The following STAU1 variants were observed in gnomAD, a reference collection of about 807,000 sequenced individuals.
STAU1 encodes staufen double-stranded RNA binding protein 1.
STAU1 carries 13 observed loss-of-function variants against 62.9 expected under a neutral mutation model. That is an observed-to-expected ratio of 0.21 (90% confidence interval 0.13 to 0.33). STAU1 has a LOEUF of 0.33. Ranked by LOEUF, STAU1 falls within the 10% of genes least tolerant of loss-of-function variation. STAU1 has a pLI of 1.00. For missense variants in STAU1, 571 were observed against 712.1 expected (o/e 0.80, Z 2.25); for synonymous variants, 269 against 265.1 (o/e 1.01, Z -0.14).
At chr20:49,115,297 A>C (rs1042378236) in intron 13 of STAU1, among the ~76,000 whole-genome samples, 13 of 152,068 alleles carry the variant, frequency 8.5e-5, no homozygotes, top group Non-Finnish European at 1.6e-4. Context: ...ACCAACTCAA[A>C]AAGGTTTTTT....
the STAU1 span, among the ~76,000 whole-genome samples, chr20:49,207,148 C>A: frequency 6.6e-6 from 1 of 152,024 alleles, no homozygotes; most frequent in African/African-American, 2.4e-5. Flanking sequence ...ACCACTTGAG[C>A]CCAAGAATTT....
At chr20:49,209,334 A>G in the STAU1 span, among the ~76,000 whole-genome samples, 1 of 151,952 alleles carries the variant, frequency 6.6e-6, no homozygotes, top group Non-Finnish European at 1.5e-5. Context: ...AGACAAACTG[A>G]ACATGCAAAG....
intron 5 of STAU1, among the ~76,000 whole-genome samples, chr20:49,150,687 A>G (rs2093230271): frequency 1.3e-5 from 2 of 151,732 alleles, no homozygotes; most frequent in African/African-American, 4.8e-5. Context: ...TCTAAGTGAC[A>G]TTCTATATCT....
At chr20:49,163,976 A>G (rs1430655261) in intron 3 of STAU1, among the ~76,000 whole-genome samples, 1 of 152,078 alleles carries the variant, frequency 6.6e-6, no homozygotes, top group Non-Finnish European at 1.5e-5. Flanking sequence ...TCACACCTGT[A>G]ATTCCAGCAA....
chr20:49,194,345 C>T, the STAU1 span, among the ~76,000 whole-genome samples: 1 of 149,050 alleles, frequency 6.7e-6, no homozygotes, highest in African/African-American at 2.5e-5. Flanking sequence ...AGGAGAATCA[C>T]TTGAACCTGG....
Position 49,114,893 on chromosome 20 carries a change from C to T in STAU1, c.1719G>A (p.Val573=). The change falls in exon 14 of 14, where the codon GTG becomes GTA. Residue 573 remains valine, a splice_region_variant and synonymous_variant. Coordinates refer to ENST00000371856, the MANE Select transcript of STAU1 (RefSeq NM_017453.4). The part of the protein sequence containing the change: ...MPRTGNGPMS[V]CGRC ...CAGAAAAGGTTCAGCACCTCCCACA[C>T]CTTTAAGGAAGAAAAATGAAAATGA... 1 of 1,613,252 alleles carries T rather than the reference C, an allele frequency of 6.2e-7. No individual in the cohort carries two copies. Among genetic ancestry groups the T allele is most frequent in the African/African-American group, 1.3e-5 (1 of 74,990 alleles).
At chr20:49,139,850 T>A (rs953074687) in intron 5 of STAU1, among the ~76,000 whole-genome samples, 1 of 151,774 alleles carries the variant, frequency 6.6e-6, no homozygotes, top group Non-Finnish European at 1.5e-5. Flanking sequence ...CTTATGAAAA[T>A]GTAAAATGGT....
chr20:49,132,752 T>C (rs1054563779), intron 6 of STAU1, among the ~76,000 whole-genome samples: 2 of 141,480 alleles, frequency 1.4e-5, no homozygotes, highest in Non-Finnish European at 3.1e-5. Flanking sequence ...AGAGCAAAAC[T>C]CCATCTCCAA....
chr20:49,135,697 T>C, intron 6 of STAU1, 136 bp downstream of exon 6: 5 of 697,066 alleles, frequency 7.2e-6, no homozygotes, highest in Non-Finnish European at 1.2e-5. Context: ...TCACTAAATA[T>C]AAAGTATGAA....
chr20:49,216,661 G>GA, the STAU1 span, among the ~76,000 whole-genome samples: 12 of 152,118 alleles, frequency 7.9e-5, no homozygotes, highest in Admixed American at 3.3e-4. Context: ...AGAAAAATAA[G>GA]AAATTTTTTT....
chr20:49,174,532 C>T lies in STAU1; in HGVS notation c.-159-263G>A, dbSNP rs971768885. Among the ~76,000 whole-genome samples, 13 of 151,056 alleles carry T rather than the reference C, an allele frequency of 8.6e-5. 1 individual carries two copies. Among genetic ancestry groups the T allele is most frequent in the African/African-American group, 3.2e-4 (13 of 41,078 alleles). Reference sequence around the variant, plus strand: ...ACCCGGAGTTCAAGACCAGCCTGGCCAACATGATGAAACCCCATCTCTACT... The same window carrying T: ...ACCCGGAGTTCAAGACCAGCCTGGCTAACATGATGAAACCCCATCTCTACT... On this transcript the variant is annotated intron_variant, in intron 1 of 13. Coordinates refer to ENST00000371856, the MANE Select transcript of STAU1 (RefSeq NM_017453.4).
chr20:49,160,272 T>A (rs1421647539), intron 3 of STAU1, among the ~76,000 whole-genome samples: 1 of 152,254 alleles, frequency 6.6e-6, no homozygotes, highest in Non-Finnish European at 1.5e-5. Context: ...TTCATGTTTG[T>A]GCCTTATGTT....
At chr20:49,127,828 C>A (rs1053124399) in intron 6 of STAU1, among the ~76,000 whole-genome samples, 4 of 152,016 alleles carry the variant, frequency 2.6e-5, no homozygotes, top group African/African-American at 9.7e-5. Flanking sequence ...GCCTGGGCAA[C>A]ATGGCAAAAC....
At chr20:49,169,290 CA>C (rs1268524607) in intron 2 of STAU1, among the ~76,000 whole-genome samples, 1 of 152,092 alleles carries the variant, frequency 6.6e-6, no homozygotes, top group African/African-American at 2.4e-5. Context: ...GCTCCTCTCC[CA>C]AAGAGAAGCC....
chr20:49,185,769 A>T (rs114090739), intron 1 of STAU1, among the ~76,000 whole-genome samples: 1,796 of 152,290 alleles, frequency 0.012, 42 homozygotes, highest in African/African-American at 0.04. Context: ...AAAGGTTTTT[A>T]AAAAATGGTA....
At chr20:49,147,625 C>G (rs139449306) in intron 5 of STAU1, among the ~76,000 whole-genome samples, 3 of 152,136 alleles carry the variant, frequency 2.0e-5, no homozygotes, top group African/African-American at 7.2e-5. Flanking sequence ...CTTCTAGGAC[C>G]GTGGACAAAG....
At chr20:49,154,095 A>G (rs2093315775) in intron 3 of STAU1, 24 bp from the exon 4 acceptor site, 1 of 1,583,644 alleles carries the variant, frequency 6.3e-7, no homozygotes, top group African/African-American at 1.4e-5. Flanking sequence ...TCGACAAAGA[A>G]CTGTTTTTTT....
At chr20:49,156,551 T>C (rs952347262) in intron 3 of STAU1, among the ~76,000 whole-genome samples, 1 of 152,228 alleles carries the variant, frequency 6.6e-6, no homozygotes, top group Non-Finnish European at 1.5e-5. Flanking sequence ...GGGCTGACTA[T>C]GGGCTTAGGA....
At chr20:49,120,425 T>C (rs754908608) in intron 8 of STAU1, among the ~76,000 whole-genome samples, 4 of 152,222 alleles carry the variant, frequency 2.6e-5, no homozygotes, top group African/African-American at 7.2e-5. Context: ...TGCCCAGCTA[T>C]TGCATTTGTA....
Sources: gnomAD v4.1 joint callset for allele counts (sites outside exome capture counted in the v4.1 genomes callset) on GRCh38, gnomAD v4.1.1 for gene constraint, MANE v1.5 for transcripts, NCBI Gene and HGNC (gene_info 2026-07-23, HGNC 2026-07-21) for gene names.